The following DNAJC10 variants were observed in gnomAD, a reference collection of about 807,000 sequenced individuals.
DNAJC10 encodes endoplasmic reticulum disulfide reductase DNAJC10.
In DNAJC10, 101 loss-of-function variants were observed where a neutral mutation model predicts 115.0. The ratio of observed to expected loss-of-function variants is 0.88; its 90% CI spans 0.75 to 1.04. DNAJC10 has a LOEUF of 1.04. Among genes scored for constraint, DNAJC10 ranks in the 50% least tolerant of loss-of-function variants. The pLI is 0.00. For missense variants in DNAJC10, 981 were observed against 928.8 expected (o/e 1.06, Z -0.73); for synonymous variants, 307 against 301.5 (o/e 1.02, Z -0.19).
chr2:182,723,807 A>G (rs144323014), intron 5 of DNAJC10, among the ~76,000 whole-genome samples: 2 of 152,348 alleles, frequency 1.3e-5, no homozygotes, highest in Non-Finnish European at 2.9e-5. Context: ...ACTATGCAGA[A>G]AAGCTTAAGA....
chr2:182,730,996 G>C (rs759282605), intron 8 of DNAJC10, 34 bp from the exon 9 acceptor site: 1 of 1,464,746 alleles, frequency 6.8e-7, no homozygotes, highest in South Asian at 1.2e-5. Flanking sequence ...AGTAATAGGT[G>C]ATCAGAATTT....
At chr2:182,776,350 C>A (rs952433309) in intron 23 of DNAJC10, among the ~76,000 whole-genome samples, 1 of 152,108 alleles carries the variant, frequency 6.6e-6, no homozygotes, top group African/African-American at 2.4e-5. Context: ...AGCAGCACAA[C>A]CTTTTTCCTG....
chr2:182,728,756 A>G, intron 6 of DNAJC10, 98 bp downstream of exon 6: 1 of 1,499,910 alleles, frequency 6.7e-7, no homozygotes, highest in South Asian at 1.2e-5. Flanking sequence ...ATCAAAAATA[A>G]TTATCAAATA....
chr2:182,758,750 T>A, intron 19 of DNAJC10, 87 bp from the exon 20 acceptor site: 6 of 973,688 alleles, frequency 6.2e-6, no homozygotes, highest in Non-Finnish European at 9.7e-6. Context: ...TATAACTTAT[T>A]TTTTAAATTG....
In DNAJC10 at chr2:182,777,103, TTTACA is replaced by T; in HGVS notation, c.2371-14_2371-10del. ...CATACTTTCTCCTTTCTCTATCGCC[TTTACA>T]TTATTATTATAGGATGAACTTTGAT... On this transcript the variant is annotated splice_polypyrimidine_tract_variant and intron_variant, in intron 23 of 23. Coordinates refer to ENST00000264065, the MANE Select transcript of DNAJC10 (RefSeq NM_018981.4). 7.2e-7 allele frequency: 1 copy of T among 1,393,974 alleles called. No homozygotes were observed. The highest frequency in any genetic ancestry group is 1.6e-5 in the South Asian group (1 of 61,434). The allele number at this position is 1,393,974 out of a possible 1,614,324, so 86.4% of individuals were successfully genotyped here. A position where few individuals can be genotyped will look rare whatever the true frequency, so the allele number is the denominator to read the frequency against.
At position 182,784,418 on chromosome 2, in the gene DNAJC10, C is replaced by G. The variant is rs933512688; in HGVS notation, c.*7286C>G. ...CAAACACACACAGCCATATTGTCATCTCTGAAGACAGCAGCCACATGTGTC... is the reference window on the plus strand; with the variant it reads ...CAAACACACACAGCCATATTGTCATGTCTGAAGACAGCAGCCACATGTGTC... On this transcript the variant is annotated 3_prime_UTR_variant, in exon 24 of 24. Coordinates refer to ENST00000264065, the MANE Select transcript of DNAJC10 (RefSeq NM_018981.4). 1 of 152,174 alleles carries G rather than the reference C, an allele frequency of 6.6e-6. No homozygotes were observed. The highest frequency in any genetic ancestry group is 1.5e-5 in the Non-Finnish European group (1 of 68,030). 9.4% of individuals were successfully genotyped at this position (152,174 alleles called of 1,614,324 possible). A position where few individuals can be genotyped will look rare whatever the true frequency, so the allele number is the denominator to read the frequency against.
rs193095280 is a variant in DNAJC10, at chr2:182,762,307, C to A, written c.2146-375C>A. ...GGAGAATACAGGTGGAGTAAGTCAG[C>A]CTTCACGAGACAAAGAGTGCCCAAA... On this transcript the variant is annotated intron_variant, in intron 21 of 23. Coordinates refer to ENST00000264065, the MANE Select transcript of DNAJC10 (RefSeq NM_018981.4). Among the ~76,000 whole-genome samples, 34 of 152,176 alleles carry A rather than the reference C, an allele frequency of 2.2e-4. No individual in the cohort carries two copies. The East Asian group carries it at 6.6e-3, about 29-fold the overall frequency.
intron 11 of DNAJC10, among the ~76,000 whole-genome samples, chr2:182,736,797 T>A (rs1166227695): frequency 2.6e-5 from 4 of 152,214 alleles, no homozygotes; most frequent in Non-Finnish European, 5.9e-5. Context: ...TCGCCCAGGC[T>A]GTAGTGCAGT....
Position 182,741,286 on chromosome 2 carries a change from GA to G in DNAJC10, c.1127del (p.Asn376MetfsTer9). 1 of 1,600,834 alleles carries G rather than the reference GA, an allele frequency of 6.2e-7. No individual in the cohort carries two copies. On this transcript the variant is annotated frameshift_variant, in exon 13 of 24. Transcript: ENST00000264065. LOFTEE classifies it high-confidence loss of function. ...CGGTGGCTGTTATTTTTTCATTTTGGAAAAAATGAAAATTCAAATGATCCTG... is the reference window on the plus strand; with the variant it reads ...CGGTGGCTGTTATTTTTTCATTTTGGAAAAATGAAAATTCAAATGATCCTG... Reference protein sequence around the residue: ...HHRWLLFFHFGKNENSNDPEL... With the variant: ...HHRWLLFFHFXKNENSNDPEL...
intron 22 of DNAJC10, among the ~76,000 whole-genome samples, chr2:182,770,168 G>T (rs1019050497): frequency 6.6e-6 from 1 of 152,186 alleles, no homozygotes; most frequent in South Asian, 2.1e-4. Context: ...TGTTCCATTG[G>T]TCTATATATC....
At chr2:182,735,331 G>GT (rs1431678167) in intron 10 of DNAJC10, among the ~76,000 whole-genome samples, 1 of 150,314 alleles carries the variant, frequency 6.7e-6, no homozygotes, top group Non-Finnish European at 1.5e-5. Context: ...AATCAAATAT[G>GT]TTTTTTTCTA....
intron 22 of DNAJC10, among the ~76,000 whole-genome samples, chr2:182,773,898 A>T (rs1694634902): frequency 2.6e-5 from 4 of 152,174 alleles, no homozygotes; most frequent in Admixed American, 2.6e-4. Flanking sequence ...AATCCTTTGG[A>T]GGAGAAGAGG....
At chr2:182,739,657 G>T in intron 11 of DNAJC10, 1 of 1,087,202 alleles carries the variant, frequency 9.2e-7, no homozygotes, top group Non-Finnish European at 1.1e-6. Flanking sequence ...TTTTATACTC[G>T]TTTGTGTTTT....
chr2:182,769,444 A>C (rs1237973909), intron 22 of DNAJC10, among the ~76,000 whole-genome samples: 7 of 152,100 alleles, frequency 4.6e-5, no homozygotes, highest in Admixed American at 4.6e-4. Context: ...TCCCACCAAC[A>C]GTGTAAAAGT....
In DNAJC10 at chr2:182,788,975, TTAAG is replaced by T. The variant is rs1695001255; in HGVS notation, c.*11847_*11850del. On this transcript the variant is annotated 3_prime_UTR_variant, in exon 24 of 24. Coordinates refer to ENST00000264065, the MANE Select transcript of DNAJC10 (RefSeq NM_018981.4). ...TAAAGTAGCATACAGTTCAGTAGTG[TTAAG>T]TAATTTCACATTGTTCAACCCATCT... The T allele has an allele frequency of 3.4e-6, 1 of 290,268 alleles. No homozygotes were observed. Among genetic ancestry groups the T allele is most frequent in the South Asian group, 3.2e-5 (1 of 31,510 alleles). 18.0% of individuals were successfully genotyped at this position (290,268 alleles called of 1,614,324 possible). A position where few individuals can be genotyped will look rare whatever the true frequency, so the allele number is the denominator to read the frequency against.
At position 182,726,675 on chromosome 2, in the gene DNAJC10, C is replaced by A. The variant is rs373903193; in HGVS notation, c.419-1901C>A. Among the ~76,000 whole-genome samples, 16 of 152,322 alleles carry A rather than the reference C, an allele frequency of 1.1e-4. No individual in the cohort carries two copies. The East Asian group carries it at 3.1e-3, about 29-fold the overall frequency. On this transcript the variant is annotated intron_variant, in intron 5 of 23. Transcript: ENST00000264065. Reference sequence around the variant, plus strand: ...ACCACCCTGATCAGTCAGCACCCATCAACATCACGACATGCATGACTTGCT... The same window carrying A: ...ACCACCCTGATCAGTCAGCACCCATAAACATCACGACATGCATGACTTGCT...
intron 4 of DNAJC10, 107 bp from the exon 5 acceptor site, chr2:182,721,918 T>C (rs1693159605): frequency 1.6e-6 from 1 of 608,818 alleles, no homozygotes; most frequent in Non-Finnish European, 2.8e-6. Context: ...TGAGATATAA[T>C]ATAGTAGTTT....
intron 22 of DNAJC10, among the ~76,000 whole-genome samples, chr2:182,763,471 A>G (rs549255104): frequency 1.7e-4 from 26 of 152,246 alleles, no homozygotes; most frequent in African/African-American, 6.3e-4. Flanking sequence ...CACAGTATTT[A>G]TTGAAAGGGC....
At chr2:182,734,131 G>T (rs1472123804) in intron 10 of DNAJC10, among the ~76,000 whole-genome samples, 3 of 148,066 alleles carry the variant, frequency 2.0e-5, no homozygotes, top group African/African-American at 2.5e-5. Flanking sequence ...ATTGACTTAA[G>T]CACTATATTT....
Sources: gnomAD v4.1 joint callset for allele counts (sites outside exome capture counted in the v4.1 genomes callset) on GRCh38, gnomAD v4.1.1 for gene constraint, MANE v1.5 for transcripts, NCBI Gene and HGNC (gene_info 2026-07-23, HGNC 2026-07-21) for gene names.